ETS1: variants seen among roughly 807,000 people sequenced by gnomAD.
ETS1 encodes protein C-ets-1.
Under a neutral mutation model 58.6 loss-of-function variants are expected in ETS1, and 15 were observed. The observed-to-expected ratio is 0.26, with a 90% CI of 0.17 to 0.39. The LOEUF is 0.39. ETS1 is among the 10% of genes least tolerant of loss of function. The pLI, the probability that ETS1 is intolerant of heterozygous loss-of-function variation, is 1.00. For synonymous variants in ETS1, 214 were observed against 218.2 expected (o/e 0.98, Z 0.17); for missense variants, 417 against 610.5 (o/e 0.68, Z 3.34).
chr11:128,489,304 T>G lies in ETS1; in HGVS notation c.521A>C (p.Glu174Ala). The G allele has an allele frequency of 6.2e-7, 1 of 1,614,128 alleles. No individual in the cohort carries two copies. Among genetic ancestry groups the G allele is most frequent in the Non-Finnish European group, 8.5e-7 (1 of 1,179,990 alleles). Reference sequence around the variant, plus strand: ...CACATATTTACCTTTCTGCAGGATCTCTAGATGTTCCCATAAGATGTCCCC... The same window carrying G: ...CACATATTTACCTTTCTGCAGGATCGCTAGATGTTCCCATAAGATGTCCCC... ...FVGDILWEHL[E>A]ILQKEDVKPY... The change falls in exon 5 of 10, where the codon GAG (glutamate) becomes GCG (alanine). Residue 174 changes from glutamate to alanine, a missense_variant. Glu to Ala is a moderately radical substitution (Grantham distance 107). Coordinates refer to ENST00000392668, the MANE Select transcript of ETS1 (RefSeq NM_001143820.2).
At chr11:128,521,986 C>A in intron 3 of ETS1, 1 of 1,595,188 alleles carries the variant, frequency 6.3e-7, no homozygotes, top group Non-Finnish European at 8.5e-7. Context: ...GATCGACGGC[C>A]GCCTTCATGG....
chr11:128,547,295 T>C (rs903267997), intron 3 of ETS1, among the ~76,000 whole-genome samples: 1 of 152,196 alleles, frequency 6.6e-6, no homozygotes, highest in Non-Finnish European at 1.5e-5. Flanking sequence ...TTAACCTCTT[T>C]GGGAGTCTCA....
Position 128,480,228 on chromosome 11 carries a change from C to T in ETS1, c.1086G>A (p.Lys362=). ...CTAGGGCAGCAGCAGGAATGACAGGCTTGTCCTTATTGAGGTCAGCACGGT... is the reference window on the plus strand; with the variant it reads ...CTAGGGCAGCAGCAGGAATGACAGGTTTGTCCTTATTGAGGTCAGCACGGT... ...VRDRADLNKD[K]PVIPAAALAG... Residue 362 remains lysine (K), a synonymous_variant, in exon 8 of 10, where the codon AAG becomes AAA. Coordinates refer to ENST00000392668, the MANE Select transcript of ETS1 (RefSeq NM_001143820.2). 6.2e-7 allele frequency: 1 copy of T among 1,614,056 alleles called. No individual in the cohort carries two copies. The highest frequency in any genetic ancestry group is 8.5e-7 in the Non-Finnish European group (1 of 1,180,004).
At chr11:128,552,475 G>A (rs1172428202) in intron 3 of ETS1, among the ~76,000 whole-genome samples, 2 of 152,184 alleles carry the variant, frequency 1.3e-5, no homozygotes, top group East Asian at 3.8e-4. Context: ...ATGTTCTCTA[G>A]CTCCAGGCTG....
chr11:128,484,671 C>T, intron 7 of ETS1, 152 bp downstream of exon 7: 1 of 643,420 alleles, frequency 1.6e-6, no homozygotes, highest in Non-Finnish European at 2.6e-6. Flanking sequence ...ATGGAAAGTT[C>T]TTAGTATCTG....
At chr11:128,482,936 G>A (rs1166247474) in intron 7 of ETS1, among the ~76,000 whole-genome samples, 1 of 152,146 alleles carries the variant, frequency 6.6e-6, no homozygotes, top group East Asian at 1.9e-4. Flanking sequence ...CAAATAAGTG[G>A]GGCATAGAAG....
At chr11:128,559,898 C>CATAA (rs1375404371) in intron 2 of ETS1, among the ~76,000 whole-genome samples, 4 of 152,204 alleles carry the variant, frequency 2.6e-5, no homozygotes, top group Non-Finnish European at 5.9e-5. Flanking sequence ...CAGGTCCCTG[C>CATAA]TTATTGGGCC....
intron 3 of ETS1, among the ~76,000 whole-genome samples, chr11:128,544,124 T>C (rs890539551): frequency 5.3e-5 from 8 of 152,094 alleles, no homozygotes; most frequent in Admixed American, 3.9e-4. Flanking sequence ...ATTAATGGTA[T>C]GGTACTATTA....
At chr11:128,466,257 CCT>C (rs1206408417) in intron 8 of ETS1, among the ~76,000 whole-genome samples, 1 of 152,190 alleles carries the variant, frequency 6.6e-6, no homozygotes, top group African/African-American at 2.4e-5. Context: ...CACCTTTGAA[CCT>C]CTCTCCCACT....
At chr11:128,587,043 A>G (rs1865046109) in intron 1 of ETS1, among the ~76,000 whole-genome samples, 1 of 152,184 alleles carries the variant, frequency 6.6e-6, no homozygotes, top group African/African-American at 2.4e-5. Flanking sequence ...CTCTCTATTA[A>G]AAGCAATTCA....
intron 1 of ETS1, among the ~76,000 whole-genome samples, chr11:128,576,431 C>T (rs1298018633): frequency 6.6e-6 from 1 of 151,122 alleles, no homozygotes; most frequent in African/African-American, 2.4e-5. Flanking sequence ...ATCAGCTGCA[C>T]CAACTTTTTT....
chr11:128,489,272 C>T lies in ETS1; in HGVS notation c.535+18G>A. 6.2e-7 allele frequency: 1 copy of T among 1,610,992 alleles called. No individual in the cohort carries two copies. The highest frequency in any genetic ancestry group is 8.5e-7 in the Non-Finnish European group (1 of 1,177,192). Reference sequence around the variant, plus strand: ...AACCCCACATAACCTCCACCTCTCTCTGTTTCCACATATTTACCTTTCTGC... The same window carrying T: ...AACCCCACATAACCTCCACCTCTCTTTGTTTCCACATATTTACCTTTCTGC... On this transcript the variant is annotated intron_variant, in intron 5 of 9. Transcript: ENST00000392668.
intron 8 of ETS1, among the ~76,000 whole-genome samples, chr11:128,477,016 T>C (rs978499599): frequency 2.2e-4 from 34 of 152,218 alleles, no homozygotes; most frequent in African/African-American, 8.0e-4. Flanking sequence ...TGCAGGAGAA[T>C]GTGAAAATTC....
In ETS1 at chr11:128,585,168, GAGAA is replaced by G. The variant is rs1555093148; in HGVS notation, c.-15+2316_-15+2319del. On this transcript the variant is annotated intron_variant, in intron 1 of 9. Coordinates refer to ENST00000392668, the MANE Select transcript of ETS1 (RefSeq NM_001143820.2). ...AGAAAGAAAGAAAGAAAGAAAGAAAGAGAAAGAAAGAAAGAAAGAAGGAAGGAAA... is the reference window on the plus strand; with the variant it reads ...AGAAAGAAAGAAAGAAAGAAAGAAAGAGAAAGAAAGAAAGAAGGAAGGAAA... Among the ~76,000 whole-genome samples the G allele has an allele frequency of 2.4e-4, 2 of 8,368 alleles. 1 individual carries two copies. The highest frequency in any genetic ancestry group is 3.9e-4 in the Non-Finnish European group (2 of 5,148). The allele number at this position is 8,368 out of a possible 152,430, so 5.5% of individuals were successfully genotyped here.
At position 128,522,393 on chromosome 11, in the gene ETS1, T is replaced by C. The variant is rs1196676642; in HGVS notation, c.215-31817A>G. ...TCTCGCGGCGCCGCGTCTCGGCCGC[T>C]GGGTCCGCGCGCCCTGGGCCGGGCG... On this transcript the variant is annotated intron_variant, in intron 3 of 9. Transcript: ENST00000392668. The C allele has an allele frequency of 8.2e-6, 8 of 971,202 alleles. No homozygotes were observed. In the South Asian group the frequency reaches 2.8e-4, roughly 35 times the overall value. 60.2% of individuals were successfully genotyped at this position (971,202 alleles called of 1,614,324 possible).
intron 8 of ETS1, among the ~76,000 whole-genome samples, chr11:128,475,245 C>T (rs1027271664): frequency 2.6e-5 from 4 of 152,246 alleles, no homozygotes; most frequent in Non-Finnish European, 5.9e-5. Context: ...TGCAATCGAG[C>T]CTTCCTTCAG....
chr11:128,542,852 T>C (rs1565403367), intron 3 of ETS1, among the ~76,000 whole-genome samples: 1 of 152,106 alleles, frequency 6.6e-6, no homozygotes, highest in Non-Finnish European at 1.5e-5. Context: ...CCAAAATGCC[T>C]TTCCTCCCTA....
rs1047548136 is a variant in ETS1 at position 128,550,610 on chromosome 11, T to G, written c.214+5681A>C. ...CAAGGCTGTTCCTGCATCAGGCTTC[T>G]CTCAGTACTCTCCCCTGGGAGTAGC... is the stretch of plus-strand genomic sequence containing the variant. On this transcript the variant is annotated intron_variant, in intron 3 of 9. Coordinates refer to ENST00000392668, the MANE Select transcript of ETS1 (RefSeq NM_001143820.2). Among the ~76,000 whole-genome samples, 7 of 152,268 alleles carry G rather than the reference T, an allele frequency of 4.6e-5. 1 individual carries two copies. In the South Asian group the frequency reaches 1.2e-3, roughly 27 times the overall value.
At chr11:128,577,286 A>G (rs1864770304) in intron 1 of ETS1, among the ~76,000 whole-genome samples, 1 of 152,238 alleles carries the variant, frequency 6.6e-6, no homozygotes, top group Admixed American at 6.5e-5. Flanking sequence ...AGTTTGTTTC[A>G]TGATCCATTT....
Sources: gnomAD v4.1 joint callset for allele counts (sites outside exome capture counted in the v4.1 genomes callset) on GRCh38, gnomAD v4.1.1 for gene constraint, MANE v1.5 for transcripts, NCBI Gene and HGNC (gene_info 2026-07-23, HGNC 2026-07-21) for gene names.